HDAC9: variants seen among roughly 807,000 people sequenced by gnomAD.
The protein encoded by HDAC9 is histone deacetylase 9.
Under a neutral mutation model 139.4 loss-of-function variants are expected in HDAC9, and 41 were observed. The ratio of observed to expected loss-of-function variants is 0.29; its 90% CI spans 0.23 to 0.38. The LOEUF (loss-of-function observed/expected upper bound fraction) is 0.38, where lower values mean the gene tolerates loss of function less well. HDAC9 is among the 10% of genes least tolerant of loss of function. HDAC9 has a pLI of 1.00. For synonymous variants in HDAC9, 517 were observed against 476.2 expected, an observed-to-expected ratio of 1.09 and a Z score of -1.12; for missense variants, 1,147 against 1,297.0, an observed-to-expected ratio of 0.88 and a Z score of 1.78.
intron 23 of HDAC9, among the ~76,000 whole-genome samples, chr7:18,937,273 C>T (rs959308497): frequency 2.6e-5 from 4 of 151,882 alleles, no homozygotes; most frequent in African/African-American, 7.3e-5. Flanking sequence ...CTCCTGACCT[C>T]GTGATCTGCC....
At chr7:18,260,260 G>A (rs1174191781) in intron 2 of HDAC9, among the ~76,000 whole-genome samples, 1 of 150,286 alleles carries the variant, frequency 6.7e-6, no homozygotes, top group Non-Finnish European at 1.5e-5. Context: ...TATTGCTGTT[G>A]AGAGGGCTAG....
At chr7:18,873,164 C>G (rs947251217) in intron 21 of HDAC9, among the ~76,000 whole-genome samples, 4 of 151,970 alleles carry the variant, frequency 2.6e-5, no homozygotes, top group African/African-American at 9.7e-5. Context: ...CAGTATATCT[C>G]CTGATAATGT....
chr7:18,471,467 A>G (rs1324933490), intron 1 of HDAC9, among the ~76,000 whole-genome samples: 3 of 152,202 alleles, frequency 2.0e-5, no homozygotes, highest in Admixed American at 1.3e-4. Context: ...CATGGTTCCA[A>G]AGCAACATCT....
chr7:18,300,816 A>T (rs1355907865), intron 1 of HDAC9, among the ~76,000 whole-genome samples: 2 of 152,158 alleles, frequency 1.3e-5, no homozygotes, highest in Admixed American at 6.5e-5. Flanking sequence ...ATGATTTTGT[A>T]TATGTAATTG....
intron 23 of HDAC9, among the ~76,000 whole-genome samples, chr7:18,953,604 T>G (rs1472614578): frequency 6.6e-6 from 1 of 152,160 alleles, no homozygotes; most frequent in Non-Finnish European, 1.5e-5. Flanking sequence ...TACAGTTATT[T>G]TACATTTGGT....
chr7:18,687,572 A>G (rs1191163533), intron 12 of HDAC9, among the ~76,000 whole-genome samples: 1 of 151,830 alleles, frequency 6.6e-6, no homozygotes, highest in African/African-American at 2.4e-5. Context: ...ATAGTAGTAG[A>G]TGCAGGACAT....
intron 21 of HDAC9, among the ~76,000 whole-genome samples, chr7:18,870,783 C>T (rs1798857503): frequency 6.6e-6 from 1 of 152,118 alleles, no homozygotes; most frequent in Non-Finnish European, 1.5e-5. Context: ...AAACAATCCT[C>T]CTGTCTCAAT....
intron 2 of HDAC9, among the ~76,000 whole-genome samples, chr7:18,216,442 C>G (rs1047350300): frequency 6.6e-6 from 1 of 152,054 alleles, no homozygotes; most frequent in African/African-American, 2.4e-5. Context: ...TGATAGGCAT[C>G]TGTACATCTG....
chr7:18,419,542 G>A (rs772121569), intron 1 of HDAC9, among the ~76,000 whole-genome samples: 2 of 151,422 alleles, frequency 1.3e-5, no homozygotes, highest in African/African-American at 2.4e-5. Context: ...CTCTCCAGAC[G>A]CTATTCACAA....
intron 12 of HDAC9, among the ~76,000 whole-genome samples, chr7:18,684,646 C>T (rs73313352): frequency 0.022 from 3,400 of 152,022 alleles, 132 homozygotes; most frequent in African/African-American, 0.077. Context: ...TAATTTTAAA[C>T]GTAAGATCAA....
At chr7:18,921,142 C>G (rs1803676519) in intron 22 of HDAC9, among the ~76,000 whole-genome samples, 1 of 152,060 alleles carries the variant, frequency 6.6e-6, no homozygotes, top group Non-Finnish European at 1.5e-5. Context: ...AGAAGAAAAC[C>G]TAGGCAATAC....
At chr7:18,469,462 A>G (rs1303727090) in intron 1 of HDAC9, among the ~76,000 whole-genome samples, 3 of 152,162 alleles carry the variant, frequency 2.0e-5, no homozygotes, top group Non-Finnish European at 4.4e-5. Context: ...GACCTTGCAA[A>G]ACTCACATTA....
chr7:18,988,439 A>C (rs1392704997), intron 25 of HDAC9, among the ~76,000 whole-genome samples: 1 of 151,016 alleles, frequency 6.6e-6, no homozygotes, highest in Non-Finnish European at 1.5e-5. Flanking sequence ...AGTTTGTTAT[A>C]ATTTCTGTTC....
rs149792286 is a variant in HDAC9 at position 18,210,376 on chromosome 7, A to G, written c.25+48027A>G. ...ATTTAACACTTTTCTAATGAAGAAC[A>G]TAAGTTCCAGTTAAGAGGGTTTCCT... On this transcript the variant is annotated intron_variant, in intron 2 of 12. Transcript: ENST00000417496. 2.9e-3 allele frequency among the ~76,000 whole-genome samples: 448 copies of G among 152,338 alleles called. 2 individuals carry two copies. Among genetic ancestry groups the G allele is most frequent in the African/African-American group, 0.01 (424 of 41,582 alleles).
chr7:18,397,823 A>C (rs1024650898), intron 1 of HDAC9, among the ~76,000 whole-genome samples: 2 of 152,078 alleles, frequency 1.3e-5, no homozygotes, highest in African/African-American at 4.8e-5. Flanking sequence ...TATTGACCCT[A>C]TTGGTAGTAT....
intron 2 of HDAC9, among the ~76,000 whole-genome samples, chr7:18,244,224 T>C (rs1245980037): frequency 2.0e-5 from 3 of 152,108 alleles, no homozygotes; most frequent in East Asian, 1.9e-4. Context: ...GGATTCTTTT[T>C]ATGCAACAAA....
chr7:18,895,836 T>C (rs10486316), intron 22 of HDAC9, among the ~76,000 whole-genome samples: 39,011 of 148,378 alleles, frequency 0.26, 5,373 homozygotes, highest in East Asian at 0.6. Context: ...GTTTCCTGTT[T>C]AGAGACTTGA....
At chr7:18,240,484 T>C (rs1206432390) in intron 2 of HDAC9, among the ~76,000 whole-genome samples, 1 of 152,238 alleles carries the variant, frequency 6.6e-6, no homozygotes, top group Admixed American at 6.5e-5. Flanking sequence ...AAGAATATTT[T>C]ATTCTATTTT....
chr7:18,493,355 T>A (rs543538150), upstream of HDAC9, among the ~76,000 whole-genome samples: 4 of 152,088 alleles, frequency 2.6e-5, no homozygotes, highest in Admixed American at 6.6e-5. Flanking sequence ...TAGATCATAT[T>A]AAATTTTATT....
Sources: allele counts gnomAD v4.1 joint callset (sites outside exome capture counted in the v4.1 genomes callset), GRCh38; gene constraint gnomAD v4.1.1; transcripts MANE v1.5; gene names NCBI Gene and HGNC (gene_info 2026-07-23, HGNC 2026-07-21).